IPO5: variants seen among roughly 807,000 people sequenced by gnomAD.
The protein encoded by IPO5 is importin-5.
Under a neutral mutation model 143.3 loss-of-function variants are expected in IPO5, and 18 were observed. The observed-to-expected ratio is 0.13, with a 90% CI of 0.09 to 0.19. The LOEUF is 0.19. Ranked by LOEUF, IPO5 falls within the 10% of genes least tolerant of loss-of-function variation. IPO5 has a pLI of 1.00. For synonymous variants in IPO5, 477 were observed against 465.7 expected, an observed-to-expected ratio of 1.02 and a Z score of -0.31; for missense variants, 1,013 against 1,336.9, an observed-to-expected ratio of 0.76 and a Z score of 3.78.
rs771232636 is a variant in IPO5 at position 98,012,274 on chromosome 13, G to A, written c.2084G>A (p.Gly695Asp). 3 of 1,612,268 alleles carry A rather than the reference G, an allele frequency of 1.9e-6. No individual in the cohort carries two copies. The part of the protein sequence containing the change: ...LVCYAKELKE[G>D]FVEYTEQVVK... ...TGCTATGCTAAGGAGTTAAAGGAAG[G>A]CTTTGTGGAGTACACCGAACAGGTT... Residue 695 changes from glycine to aspartate, a missense_variant, in exon 21 of 29, where the codon GGC (glycine) becomes GAC (aspartate). Gly to Asp is a moderately conservative substitution (Grantham distance 94, BLOSUM62 -1). Coordinates refer to ENST00000651721, the MANE Select transcript of IPO5 (RefSeq NM_002271.6).
chr13:97,966,261 T>A (rs74956833), intron 2 of IPO5, among the ~76,000 whole-genome samples: 2,654 of 152,266 alleles, frequency 0.017, 68 homozygotes, highest in African/African-American at 0.06. Context: ...TGATGTTAAC[T>A]GTGAGTCTGT....
intron 17 of IPO5, 108 bp downstream of exon 17, chr13:98,006,456 A>G (rs1889260872): frequency 1.6e-6 from 1 of 643,436 alleles, no homozygotes; most frequent in Non-Finnish European, 2.4e-6. Flanking sequence ...CTCACTGCAA[A>G]CTCTGCCTCC....
chr13:97,997,782 AT>A (rs1476098008), intron 12 of IPO5, among the ~76,000 whole-genome samples, 164 bp downstream of exon 12: 1 of 152,066 alleles, frequency 6.6e-6, no homozygotes, highest in African/African-American at 2.4e-5. Context: ...TATAAGTAGT[AT>A]TTTCTTTAGT....
At position 97,977,843 on chromosome 13, in the gene IPO5, A is replaced by G. The variant is rs539700984; in HGVS notation, c.90+1057A>G. 5.3e-5 allele frequency among the ~76,000 whole-genome samples: 8 copies of G among 152,332 alleles called. No individual in the cohort carries two copies. The East Asian group carries it at 1.5e-3, about 29-fold the overall frequency. On this transcript the variant is annotated intron_variant, in intron 4 of 28. Transcript: ENST00000651721. ...TGCAACCATGCGATTGTAGAGTTTC[A>G]TAAGATTAAGTGAAGGATGTTCAGC...
intron 2 of IPO5, among the ~76,000 whole-genome samples, chr13:97,963,734 G>T (rs915363702): frequency 1.3e-5 from 2 of 151,698 alleles, no homozygotes; most frequent in Non-Finnish European, 2.9e-5. Context: ...TGTTTTTTTC[G>T]ACTGCTTTGG....
chr13:98,003,176 G>C (rs1220547288), intron 16 of IPO5, 139 bp downstream of exon 16: 3 of 700,992 alleles, frequency 4.3e-6, no homozygotes, highest in Admixed American at 2.6e-5. Context: ...GCTATTCGGA[G>C]TTGTGGAATG....
chr13:97,989,080 A>T lies in IPO5; in HGVS notation c.383A>T (p.Gln128Leu). ...RNLIDEDGNN[Q>L]WPEGLKFLFD... is the part of the protein sequence containing the mutation. The stretch of plus-strand genomic sequence containing the variant: ...CTTTCAGATGAGGATGGCAATAACC[A>T]GTGGCCCGAAGGTTTGAAGTTCCTT... The change falls in exon 7 of 29, where the codon CAG (glutamine) becomes CTG (leucine). Residue 128 changes from glutamine (Q) to leucine (L), a missense_variant. Coordinates refer to ENST00000651721, the MANE Select transcript of IPO5 (RefSeq NM_002271.6). 1 of 1,611,768 alleles carries T rather than the reference A, an allele frequency of 6.2e-7. No individual in the cohort carries two copies.
chr13:98,013,887 T>C (rs1889906649), intron 21 of IPO5, among the ~76,000 whole-genome samples, 155 bp from the exon 22 acceptor site: 1 of 152,210 alleles, frequency 6.6e-6, no homozygotes, highest in South Asian at 2.1e-4. Context: ...ACAGGAGGTA[T>C]GTCTTTTCTA....
At chr13:97,996,419 A>C (rs1195912158) in intron 11 of IPO5, among the ~76,000 whole-genome samples, 2 of 152,152 alleles carry the variant, frequency 1.3e-5, no homozygotes, top group African/African-American at 2.4e-5. Flanking sequence ...AAACAAGTGT[A>C]ATTGTGGAAT....
At position 98,022,655 on chromosome 13, in the gene IPO5, T is replaced by C. The variant is rs1249103640; in HGVS notation, c.*833T>C. The C allele has an allele frequency of 6.6e-6, 1 of 152,226 alleles. No individual in the cohort carries two copies. Among genetic ancestry groups the C allele is most frequent in the Non-Finnish European group, 1.5e-5 (1 of 68,048 alleles). The allele number at this position is 152,226 out of a possible 1,614,324, so 9.4% of individuals were successfully genotyped here. On this transcript the variant is annotated 3_prime_UTR_variant, in exon 29 of 29. Transcript: ENST00000651721. ...CTTAAGCATCGAGTTTTTACCATCT[T>C]CCACTTTAAGCTAAGTTATGATACC...
chr13:97,991,440 G>A (rs9513333), intron 9 of IPO5, among the ~76,000 whole-genome samples: 7,477 of 152,238 alleles, frequency 0.049, 450 homozygotes, highest in East Asian at 0.33. Context: ...TTGGTGATAA[G>A]ATTTCCTAAA....
chr13:98,000,369 T>C (rs902983629), intron 12 of IPO5, among the ~76,000 whole-genome samples, 170 bp from the exon 13 acceptor site: 1 of 152,200 alleles, frequency 6.6e-6, no homozygotes, highest in Non-Finnish European at 1.5e-5. Flanking sequence ...TTTTTTCTTT[T>C]CTAAGCTGCA....
chr13:97,997,968 A>C (rs1888441259), intron 12 of IPO5, among the ~76,000 whole-genome samples: 1 of 152,220 alleles, frequency 6.6e-6, no homozygotes, highest in Non-Finnish European at 1.5e-5. Flanking sequence ...CAGCAAATAA[A>C]GTAGCTATGT....
chr13:97,986,496 C>A (rs1385571060), intron 6 of IPO5, among the ~76,000 whole-genome samples: 1 of 152,034 alleles, frequency 6.6e-6, no homozygotes, highest in East Asian at 1.9e-4. Context: ...TCTGGAATTA[C>A]AGGCATGCGC....
intron 3 of IPO5, among the ~76,000 whole-genome samples, chr13:97,971,972 A>G (rs1320175027): frequency 2.6e-5 from 4 of 152,214 alleles, no homozygotes; most frequent in African/African-American, 7.2e-5. Context: ...TACAGATGAG[A>G]AAACAAAGCC....
rs139530372 is a variant in IPO5, at chr13:97,985,560, G to C, written c.311G>C (p.Ser104Thr). Residue 104 changes from serine (S) to threonine (T), a missense_variant, in exon 6 of 29, where the codon AGC becomes ACC. Coordinates refer to ENST00000651721, the MANE Select transcript of IPO5 (RefSeq NM_002271.6). Reference sequence around the variant, plus strand: ...ATTATTCAGATGGAAACACAATCTAGCATGAGGAAAAAAGTTTGTGATATT... The same window carrying C: ...ATTATTCAGATGGAAACACAATCTACCATGAGGAAAAAAGTTTGTGATATT... ...LMIIQMETQS[S>T]MRKKVCDIAA... 17 of 1,613,958 alleles carry C rather than the reference G, an allele frequency of 1.1e-5. No individual in the cohort carries two copies. The highest frequency in any genetic ancestry group is 7.6e-6 in the Non-Finnish European group (9 of 1,179,978).
intron 4 of IPO5, among the ~76,000 whole-genome samples, chr13:97,978,017 GGTTACACTTAGGGGTTTTATATTAA>G (rs1192515326): frequency 5.3e-5 from 8 of 152,160 alleles, no homozygotes; most frequent in Admixed American, 5.2e-4. Flanking sequence ...TGGATATGCT[GGTTACACTTAGGGGTTTTATATTAA>G]GTGAAGTAAA....
At chr13:98,010,363 T>G in intron 20 of IPO5, 139 bp downstream of exon 20, 1 of 799,608 alleles carries the variant, frequency 1.3e-6, no homozygotes, top group Non-Finnish European at 1.9e-6. Context: ...TCTTTCCATT[T>G]TAAAGAAATC....
chr13:98,017,462 A>G (rs1890200071), intron 25 of IPO5, among the ~76,000 whole-genome samples: 2 of 151,742 alleles, frequency 1.3e-5, no homozygotes, highest in Admixed American at 6.6e-5. Flanking sequence ...ACCACACCCG[A>G]CGAATTTTTT....
Sources: gnomAD v4.1 joint callset for allele counts (sites outside exome capture counted in the v4.1 genomes callset) on GRCh38, gnomAD v4.1.1 for gene constraint, MANE v1.5 for transcripts, NCBI Gene and HGNC (gene_info 2026-07-23, HGNC 2026-07-21) for gene names.